Variants in FAM222A observed in about 807,000 individuals in gnomAD.
The protein encoded by FAM222A is family with sequence similarity 222 member A, also known as protein FAM222A.
Under a neutral mutation model 25.8 loss-of-function variants are expected in FAM222A, and 7 were observed. The ratio of observed to expected loss-of-function variants is 0.27; its 90% CI spans 0.15 to 0.51. The LOEUF is 0.51. FAM222A is among the 20% of genes least tolerant of loss of function. FAM222A has a pLI of 0.97. For synonymous variants in FAM222A, 294 were observed against 298.8 expected (o/e 0.98, Z 0.17); for missense variants, 573 against 640.5 (o/e 0.89, Z 1.14).
intron 1 of FAM222A, among the ~76,000 whole-genome samples, chr12:109,735,434 C>T (rs1888059943): frequency 6.6e-6 from 1 of 152,180 alleles, no homozygotes; most frequent in Non-Finnish European, 1.5e-5. Context: ...GTGGAGAACA[C>T]TAAAAATAAA....
intron 2 of FAM222A, among the ~76,000 whole-genome samples, chr12:109,747,146 T>A (rs1335012667): frequency 6.6e-6 from 1 of 152,208 alleles, no homozygotes; most frequent in East Asian, 1.9e-4. Context: ...CAGGCTGGAG[T>A]GCAGTGGCAC....
Position 109,744,388 on chromosome 12 carries a change from T to A in FAM222A, c.82+160T>A, listed in dbSNP as rs112103414. ...GGCTGTGCTGCCTTCCTGGTCTCCATCCCCAAAATGACACCCACTCCTTTG... is the reference window on the plus strand; with the variant it reads ...GGCTGTGCTGCCTTCCTGGTCTCCAACCCCAAAATGACACCCACTCCTTTG... On this transcript the variant is annotated intron_variant, in intron 2 of 2. Transcript: ENST00000538780. 5 of 985,240 alleles carry A rather than the reference T, an allele frequency of 5.1e-6. No individual in the cohort carries two copies. In the African/African-American group the frequency reaches 5.2e-5, roughly 10 times the overall value. 61.0% of individuals were successfully genotyped at this position (985,240 alleles called of 1,614,324 possible). A position where few individuals can be genotyped will look rare whatever the true frequency, so the allele number is the denominator to read the frequency against.
chr12:109,757,305 C>T (rs1366050974), intron 2 of FAM222A, among the ~76,000 whole-genome samples: 1 of 152,104 alleles, frequency 6.6e-6, no homozygotes, highest in African/African-American at 2.4e-5. Context: ...GCAAAGGGAC[C>T]AAAAATGGCC....
intron 2 of FAM222A, among the ~76,000 whole-genome samples, chr12:109,757,200 A>G (rs945678640): frequency 3.1e-4 from 47 of 152,368 alleles, no homozygotes; most frequent in Non-Finnish European, 7.3e-5. Flanking sequence ...GAAATATGTC[A>G]TGCATATAGA....
intron 2 of FAM222A, among the ~76,000 whole-genome samples, chr12:109,756,628 T>C (rs1401238662): frequency 6.6e-6 from 1 of 152,222 alleles, no homozygotes; most frequent in Non-Finnish European, 1.5e-5. Context: ...GTAGTTGTCC[T>C]TCTGTCAATA....
At chr12:109,726,407 C>T (rs1056522508) in intron 1 of FAM222A, among the ~76,000 whole-genome samples, 1 of 152,206 alleles carries the variant, frequency 6.6e-6, no homozygotes, top group Admixed American at 6.5e-5. Context: ...AGCTGCCCCT[C>T]TTAGCAGAGT....
chr12:109,756,421 C>G (rs1341707209), intron 2 of FAM222A, among the ~76,000 whole-genome samples: 1 of 130,386 alleles, frequency 7.7e-6, no homozygotes, highest in African/African-American at 3.0e-5. Context: ...TCTAATTGCT[C>G]TGGCTAAAAC....
chr12:109,767,035 A>G (rs1249227087), intron 2 of FAM222A, among the ~76,000 whole-genome samples: 7 of 146,008 alleles, frequency 4.8e-5, no homozygotes, highest in Non-Finnish European at 1.0e-4. Context: ...AGCTAGGACT[A>G]TAGGCATGCA....
intron 1 of FAM222A, among the ~76,000 whole-genome samples, chr12:109,736,810 T>G (rs900925021): frequency 2.0e-5 from 3 of 152,146 alleles, no homozygotes; most frequent in Non-Finnish European, 4.4e-5. Flanking sequence ...TCTCCAGGGC[T>G]CTTGCGCCGG....
chr12:109,749,631 G>A (rs1888505543), intron 2 of FAM222A, among the ~76,000 whole-genome samples: 1 of 152,040 alleles, frequency 6.6e-6, no homozygotes, highest in Non-Finnish European at 1.5e-5. Context: ...AGGCTATTAG[G>A]TTTTCTATAT....
At chr12:109,722,676 C>T (rs1412674136) in intron 1 of FAM222A, 1 of 152,310 alleles carries the variant, frequency 6.6e-6, no homozygotes, top group Non-Finnish European at 1.5e-5. Context: ...ACCCTGCTGC[C>T]TGTCCCCAGG....
At chr12:109,757,711 G>A (rs1470924096) in intron 2 of FAM222A, among the ~76,000 whole-genome samples, 4 of 151,960 alleles carry the variant, frequency 2.6e-5, no homozygotes, top group Non-Finnish European at 4.4e-5. Context: ...AGAGAGCCAC[G>A]GATGTGGCTG....
At chr12:109,744,884 A>G (rs1309662820) in intron 2 of FAM222A, 2 of 643,196 alleles carry the variant, frequency 3.1e-6, no homozygotes, top group Non-Finnish European at 3.9e-6. Context: ...TATTGCAGCT[A>G]TGGTTAGAGC....
intron 2 of FAM222A, among the ~76,000 whole-genome samples, chr12:109,756,799 C>CATAGTTTTT (rs1198214159): frequency 6.6e-6 from 1 of 152,026 alleles, no homozygotes; most frequent in East Asian, 1.9e-4. Flanking sequence ...CTATATGGTC[C>CATAGTTTTT]ATAGTTTTTT....
intron 2 of FAM222A, among the ~76,000 whole-genome samples, chr12:109,766,587 A>C (rs1034723775): frequency 1.3e-5 from 2 of 152,224 alleles, no homozygotes; most frequent in African/African-American, 2.4e-5. Context: ...TGAGGTGGGC[A>C]GGGGGTCATC....
intron 2 of FAM222A, among the ~76,000 whole-genome samples, chr12:109,756,390 TG>T (rs1200098934): frequency 9.9e-6 from 1 of 100,896 alleles, no homozygotes; most frequent in Non-Finnish European, 1.9e-5. Flanking sequence ...CTAATATGAA[TG>T]CTTTTTTTTT....
intron 2 of FAM222A, among the ~76,000 whole-genome samples, chr12:109,763,631 T>C (rs1053942953): frequency 1.3e-5 from 2 of 152,186 alleles, no homozygotes; most frequent in Admixed American, 6.5e-5. Flanking sequence ...CCAGAGCAAG[T>C]GGTCTGAGAG....
intron 1 of FAM222A, among the ~76,000 whole-genome samples, chr12:109,733,587 TAGAG>T (rs1252917390): frequency 6.6e-6 from 1 of 152,074 alleles, no homozygotes; most frequent in Non-Finnish European, 1.5e-5. Context: ...GTATTTTTAG[TAGAG>T]AGGGGGTTTC....
intron 1 of FAM222A, among the ~76,000 whole-genome samples, chr12:109,741,155 C>T (rs897691661): frequency 2.0e-5 from 3 of 152,148 alleles, no homozygotes; most frequent in African/African-American, 7.2e-5. Context: ...GTGGTGGTCC[C>T]CTCCCCACTT....
Sources: allele counts gnomAD v4.1 joint callset (sites outside exome capture counted in the v4.1 genomes callset), GRCh38; gene constraint gnomAD v4.1.1; transcripts MANE v1.5; gene names NCBI Gene and HGNC (gene_info 2026-07-23, HGNC 2026-07-21).